SI: variants seen among roughly 807,000 people sequenced by gnomAD.
SI encodes the protein sucrase-isomaltase, also known as sucrase-isomaltase, intestinal.
A neutral mutation model predicts 253.3 loss-of-function variants in SI; 235 were observed. The observed-to-expected ratio is 0.93, with a 90% CI of 0.83 to 1.03. The LOEUF (loss-of-function observed/expected upper bound fraction) is 1.03, where lower values mean the gene tolerates loss of function less well. SI is among the 50% of genes least tolerant of loss of function. SI has a pLI of 0.00. For synonymous variants in SI, 819 were observed against 712.0 expected, an observed-to-expected ratio of 1.15 and a Z score of -2.39; for missense variants, 2,442 against 2,211.1, an observed-to-expected ratio of 1.10 and a Z score of -2.09.
At chr3:165,049,706 T>A in intron 14 of SI, 85 bp downstream of exon 14, 1 of 795,390 alleles carries the variant, frequency 1.3e-6, no homozygotes. Flanking sequence ...AAAATTGTAA[T>A]TTAGAAATAT....
chr3:165,050,516 C>A (rs888977382), intron 13 of SI, among the ~76,000 whole-genome samples: 3 of 152,036 alleles, frequency 2.0e-5, no homozygotes, highest in African/African-American at 7.2e-5. Context: ...TTAACATAGG[C>A]CCCAATCTTG....
intron 20 of SI, 129 bp from the exon 21 acceptor site, chr3:165,038,153 C>A (rs925822703): frequency 2.5e-6 from 2 of 815,360 alleles, no homozygotes; most frequent in South Asian, 2.0e-5. Flanking sequence ...ATATTGTTTT[C>A]TAACTTTAGG....
At chr3:165,066,297 G>T (rs528644576) in intron 6 of SI, among the ~76,000 whole-genome samples, 86 of 151,854 alleles carry the variant, frequency 5.7e-4, no homozygotes, top group African/African-American at 2.0e-3. Flanking sequence ...ATACTCAGTG[G>T]GGGAGTGGGG....
chr3:164,992,464 T>C, intron 41 of SI, 67 bp from the exon 42 acceptor site: 1 of 1,054,290 alleles, frequency 9.5e-7, no homozygotes, highest in South Asian at 1.4e-5. Flanking sequence ...CATAAAATCA[T>C]TATTCAAATT....
chr3:165,016,440 C>A (rs1016544892), intron 31 of SI, among the ~76,000 whole-genome samples: 2 of 151,954 alleles, frequency 1.3e-5, no homozygotes, highest in Admixed American at 6.6e-5. Flanking sequence ...ACAAATAGGA[C>A]TTTTGTACAG....
At chr3:165,034,045 A>C (rs185789575) in intron 22 of SI, among the ~76,000 whole-genome samples, 1 of 151,870 alleles carries the variant, frequency 6.6e-6, no homozygotes, top group Non-Finnish European at 1.5e-5. Context: ...GGACTGAAAT[A>C]GTTTGTCATA....
rs1718596124 is a variant in SI at position 165,007,971 on chromosome 3, T to G, written c.4207A>C (p.Asn1403His). The change falls in exon 36 of 48, where the codon AAT (asparagine) becomes CAT (histidine). Residue 1403 changes from asparagine to histidine, a missense_variant. By Grantham distance (68) the Asn-to-His change is moderately conservative. Transcript: ENST00000264382. ...CTGCATTGATTAGTAGTTGTTCCATTTACAAAACTTGATGGCTCATTCATA... is the reference window on the plus strand; with the variant it reads ...CTGCATTGATTAGTAGTTGTTCCATGTACAAAACTTGATGGCTCATTCATA... ...IDMNEPSSFV[N>H]GTTTNQCRND... The G allele has an allele frequency of 6.3e-7, 1 of 1,594,192 alleles. No homozygotes were observed. The highest frequency in any genetic ancestry group is 1.3e-5 in the African/African-American group (1 of 74,404).
intron 1 of SI, 103 bp from the exon 2 acceptor site, chr3:165,076,115 A>G: frequency 2.3e-6 from 2 of 857,392 alleles, no homozygotes; most frequent in African/African-American, 1.7e-5. Flanking sequence ...TACTATGTAT[A>G]ATGCAGAGTT....
rs1158493205 is a variant in SI, at chr3:165,076,067, C to A, written c.1-55G>T. The A allele has an allele frequency of 8.3e-6, 10 of 1,207,308 alleles. No homozygotes were observed. In the South Asian group the frequency reaches 9.4e-5, roughly 11 times the overall value. 74.8% of individuals were successfully genotyped at this position (1,207,308 alleles called of 1,614,324 possible). On this transcript the variant is annotated intron_variant, in intron 1 of 47. Coordinates refer to ENST00000264382, the MANE Select transcript of SI (RefSeq NM_001041.4). ...ATGTAAAATATATAACTATAATAAA[C>A]CACCAACAATTCTCATGAAATTACA...
chr3:165,029,446 A>AAAG (rs1358526856), intron 25 of SI, among the ~76,000 whole-genome samples: 28 of 150,286 alleles, frequency 1.9e-4, no homozygotes, highest in Non-Finnish European at 4.2e-4. Context: ...ACCCAGAGAA[A>AAAG]AAGAAGTAAT....
intron 15 of SI, among the ~76,000 whole-genome samples, chr3:165,048,483 G>A (rs778598835): frequency 4.7e-5 from 7 of 149,130 alleles, no homozygotes; most frequent in Non-Finnish European, 7.4e-5. Context: ...GTTATATTCA[G>A]AAATGGTAAA....
chr3:165,022,481 T>G (rs1202943768), intron 26 of SI, among the ~76,000 whole-genome samples: 2 of 151,090 alleles, frequency 1.3e-5, no homozygotes, highest in Admixed American at 1.3e-4. Flanking sequence ...CTCTTCATTA[T>G]TAATTTGTGA....
intron 13 of SI, among the ~76,000 whole-genome samples, chr3:165,052,105 G>T (rs1298028063): frequency 6.6e-6 from 1 of 151,780 alleles, no homozygotes; most frequent in African/African-American, 2.4e-5. Context: ...TGTCTATATA[G>T]CAAGATTGTA....
chr3:165,006,869 C>G lies in SI; in HGVS notation c.4353G>C (p.Leu1451Phe). The G allele has an allele frequency of 6.2e-7, 1 of 1,610,832 alleles. No individual in the cohort carries two copies. Among genetic ancestry groups the G allele is most frequent in the Non-Finnish European group, 8.5e-7 (1 of 1,177,260 alleles). Residue 1451 changes from leucine (L) to phenylalanine (F), a missense_variant, in exon 37 of 48, where the codon TTG becomes TTC. Physicochemically the swap from Leu to Phe is conservative, Grantham distance 22. Coordinates refer to ENST00000264382, the MANE Select transcript of SI (RefSeq NM_001041.4). ...CATAGAGATTGTGAACATCGTAATGCAAAACTGATGTTCCATCACTAAGAA... is the reference window on the plus strand; with the variant it reads ...CATAGAGATTGTGAACATCGTAATGGAAAACTGATGTTCCATCACTAAGAA... ...EQILSDGTSV[L>F]HYDVHNLYGW...
chr3:165,080,329 A>C (rs1215442046), upstream of SI, among the ~76,000 whole-genome samples: 1 of 151,996 alleles, frequency 6.6e-6, no homozygotes, highest in Non-Finnish European at 1.5e-5. Context: ...AGCCTCTGTC[A>C]AGTTTTAACT....
chr3:165,053,057 G>A (rs181183014), intron 13 of SI, among the ~76,000 whole-genome samples: 2 of 151,700 alleles, frequency 1.3e-5, no homozygotes, highest in East Asian at 3.9e-4. Context: ...AATGGAAATG[G>A]TATTTTAATT....
rs192045491 is a variant in SI at position 165,001,637 on chromosome 3, T to C, written c.4407-2964A>G. Among the ~76,000 whole-genome samples the C allele has an allele frequency of 2.7e-3, 413 of 151,588 alleles. 5 individuals carry two copies. The highest frequency in any genetic ancestry group is 0.014 in the Middle Eastern group (4 of 294). ...TGATATACCAATTGTATCAATGTTC[T>C]ATTCATCTATATCATTCAGAATCTA... On this transcript the variant is annotated intron_variant, in intron 37 of 47. Transcript: ENST00000264382.
intron 45 of SI, 100 bp from the exon 46 acceptor site, chr3:164,983,151 G>A (rs1028434417): frequency 8.6e-7 from 1 of 1,156,250 alleles, no homozygotes; most frequent in Non-Finnish European, 1.2e-6. Flanking sequence ...ATAAAAAGTA[G>A]CAAATATTAT....
chr3:164,987,243 T>A lies in SI; in HGVS notation c.5109-17A>T. On this transcript the variant is annotated splice_polypyrimidine_tract_variant and intron_variant, in intron 44 of 47. Transcript: ENST00000264382. ...TTTTGTCGACTATAAGAAAGAAATA[T>A]ATAATTTTACCCATGTTTGTAGAAT... 2 of 1,601,676 alleles carry A rather than the reference T, an allele frequency of 1.2e-6. No homozygotes were observed. The highest frequency in any genetic ancestry group is 2.2e-5 in the South Asian group (2 of 90,808).
Sources: allele counts gnomAD v4.1 joint callset (sites outside exome capture counted in the v4.1 genomes callset), GRCh38; gene constraint gnomAD v4.1.1; transcripts MANE v1.5; gene names NCBI Gene and HGNC (gene_info 2026-07-23, HGNC 2026-07-21).